Variants in CPNE4 observed in about 807,000 individuals in gnomAD.
CPNE4 encodes the protein copine-4.
CPNE4 carries 25 observed loss-of-function variants against 67.9 expected under a neutral mutation model. The observed-to-expected ratio is 0.37, with a 90% confidence interval of 0.27 to 0.51. The LOEUF is 0.51. Ranked by LOEUF, CPNE4 falls within the 20% of genes least tolerant of loss-of-function variation. CPNE4 has a pLI of 0.93. For synonymous variants in CPNE4, 242 were observed against 244.9 expected (o/e 0.99, Z 0.11); for missense variants, 464 against 690.8 (o/e 0.67, Z 3.68).
rs528265764 is a variant in CPNE4 at position 131,561,640 on chromosome 3, C to T, written c.1061+2576G>A. On this transcript the variant is annotated intron_variant, in intron 11 of 15. Transcript: ENST00000429747. ...AAAGAAAACTCTTGGCTGCCAGAAGCTGGGAGGAATTTCTAAGGCTCATGG... is the reference window on the plus strand; with the variant it reads ...AAAGAAAACTCTTGGCTGCCAGAAGTTGGGAGGAATTTCTAAGGCTCATGG... Among the ~76,000 whole-genome samples, 14 of 152,102 alleles carry T rather than the reference C, an allele frequency of 9.2e-5. No homozygotes were observed. In the East Asian group the frequency reaches 2.7e-3, roughly 30 times the overall value.
At chr3:131,644,204 G>A (rs1367086738) in intron 7 of CPNE4, among the ~76,000 whole-genome samples, 2 of 151,930 alleles carry the variant, frequency 1.3e-5, no homozygotes, top group African/African-American at 2.4e-5. Context: ...CTGGAGTGCA[G>A]TGGCATGATC....
At chr3:131,658,334 T>G (rs1305787191) in intron 7 of CPNE4, among the ~76,000 whole-genome samples, 1 of 152,154 alleles carries the variant, frequency 6.6e-6, no homozygotes, top group Non-Finnish European at 1.5e-5. Context: ...GTAGGCAACA[T>G]GAGGAGGCAT....
At chr3:131,897,587 A>C (rs1346030416) in intron 2 of CPNE4, among the ~76,000 whole-genome samples, 1 of 151,916 alleles carries the variant, frequency 6.6e-6, no homozygotes, top group African/African-American at 2.4e-5. Flanking sequence ...TTTGTCTACT[A>C]TACCTCAATA....
chr3:131,591,239 T>C (rs950987019), intron 7 of CPNE4, among the ~76,000 whole-genome samples: 4 of 152,132 alleles, frequency 2.6e-5, no homozygotes, highest in Non-Finnish European at 5.9e-5. Flanking sequence ...TAAGTACAGC[T>C]CACTGAATGC....
intron 2 of CPNE4, among the ~76,000 whole-genome samples, chr3:131,799,227 T>C (rs936425384): frequency 1.2e-4 from 18 of 152,166 alleles, no homozygotes; most frequent in Non-Finnish European, 1.3e-4. Context: ...GACATTTTCC[T>C]GAAGTAAAAA....
rs564318234 is a variant in CPNE4, at chr3:131,705,200, G to A, written c.361-5220C>T. Among the ~76,000 whole-genome samples, 10 of 152,230 alleles carry A rather than the reference G, an allele frequency of 6.6e-5. No individual in the cohort carries two copies. The South Asian group carries it at 2.1e-3, about 32-fold the overall frequency. ...GCTGTGGAGGAAAGTGAAGTCACTT[G>A]TGGGACCAAGAAGGACTTTATCCTT... On this transcript the variant is annotated intron_variant, in intron 3 of 15. Coordinates refer to ENST00000429747, the MANE Select transcript of CPNE4 (RefSeq NM_130808.3).
chr3:131,699,254 C>A (rs2081236874), intron 4 of CPNE4, among the ~76,000 whole-genome samples: 1 of 152,192 alleles, frequency 6.6e-6, no homozygotes, highest in South Asian at 2.1e-4. Context: ...GTTTTATAAT[C>A]TACACTGTCC....
At chr3:131,548,074 C>T (rs11925162) in intron 14 of CPNE4, among the ~76,000 whole-genome samples, 1,724 of 152,232 alleles carry the variant, frequency 0.011, 30 homozygotes, top group South Asian at 0.067. Flanking sequence ...GAACCAAAGA[C>T]ATGCAGTGAC....
intron 2 of CPNE4, among the ~76,000 whole-genome samples, chr3:131,880,037 G>T (rs1285231022): frequency 6.6e-6 from 1 of 151,830 alleles, no homozygotes; most frequent in Admixed American, 6.6e-5. Flanking sequence ...GTCCCTTTTA[G>T]AATAGGAGCT....
intron 2 of CPNE4, among the ~76,000 whole-genome samples, chr3:131,845,220 T>C (rs951310743): frequency 1.1e-4 from 16 of 152,212 alleles, no homozygotes; most frequent in Admixed American, 2.0e-4. Context: ...CCACCCACCA[T>C]CATCAACTTA....
chr3:131,558,959 C>A (rs1208788164), intron 11 of CPNE4, among the ~76,000 whole-genome samples: 1 of 151,916 alleles, frequency 6.6e-6, no homozygotes, highest in Non-Finnish European at 1.5e-5. Flanking sequence ...GACCTGTTCT[C>A]CATTCATACC....
intron 7 of CPNE4, among the ~76,000 whole-genome samples, chr3:131,639,033 T>C (rs1207588391): frequency 2.6e-5 from 4 of 152,080 alleles, no homozygotes. Flanking sequence ...GGAAAGTTCA[T>C]AGCATTAAAT....
At chr3:131,874,185 T>G (rs1013528452) in intron 2 of CPNE4, among the ~76,000 whole-genome samples, 1 of 151,422 alleles carries the variant, frequency 6.6e-6, no homozygotes, top group African/African-American at 2.4e-5. Flanking sequence ...GCCTCCCGGG[T>G]TCACGCCATT....
chr3:131,763,029 C>CA (rs752838277), intron 2 of CPNE4, among the ~76,000 whole-genome samples: 2 of 151,546 alleles, frequency 1.3e-5, no homozygotes, highest in African/African-American at 2.4e-5. Flanking sequence ...TTTAGGAAAA[C>CA]AAAAAAACAA....
chr3:131,873,897 G>A (rs2087324044), intron 2 of CPNE4, among the ~76,000 whole-genome samples: 2 of 152,098 alleles, frequency 1.3e-5, no homozygotes. Flanking sequence ...GAGAACAGCT[G>A]TGGGAAGAGG....
chr3:131,628,863 T>C (rs1476138705), intron 7 of CPNE4, among the ~76,000 whole-genome samples: 2 of 137,558 alleles, frequency 1.5e-5, no homozygotes, highest in South Asian at 4.3e-4. Context: ...CCTGGATTCA[T>C]TGATTTTTTG....
intron 1 of CPNE4, among the ~76,000 whole-genome samples, chr3:131,958,021 T>C (rs1383860427): frequency 6.6e-6 from 1 of 152,184 alleles, no homozygotes; most frequent in Non-Finnish European, 1.5e-5. Flanking sequence ...AAACAACCTG[T>C]GTGGGACAGG....
chr3:132,008,238 G>A (rs2107673842), intron 1 of CPNE4, among the ~76,000 whole-genome samples: 1 of 152,268 alleles, frequency 6.6e-6, no homozygotes, highest in South Asian at 2.1e-4. Flanking sequence ...GTGAAATGGA[G>A]TAAATATTAG....
chr3:131,581,317 T>A lies in CPNE4; in HGVS notation c.867+262A>T, dbSNP rs535927569. Among the ~76,000 whole-genome samples the A allele has an allele frequency of 3.9e-5, 6 of 152,312 alleles. No homozygotes were observed. In the South Asian group the frequency reaches 1.2e-3, roughly 32 times the overall value. ...CCTCTAGCACTGCTCTGGGCAGAGA[T>A]GATCCTAACCTATCAGCGGAACTCT... On this transcript the variant is annotated intron_variant, in intron 9 of 15. Transcript: ENST00000429747.
Sources: allele counts gnomAD v4.1 joint callset (sites outside exome capture counted in the v4.1 genomes callset), GRCh38; gene constraint gnomAD v4.1.1; transcripts MANE v1.5; gene names NCBI Gene and HGNC (gene_info 2026-07-23, HGNC 2026-07-21).